Variants in PKN2 observed in about 807,000 individuals in gnomAD.
PKN2 encodes serine/threonine-protein kinase N2.
Under a neutral mutation model 119.1 loss-of-function variants are expected in PKN2, and 38 were observed. The ratio of observed to expected loss-of-function variants is 0.32; its 90% CI spans 0.25 to 0.42. PKN2 has a LOEUF of 0.42. Ranked by LOEUF, PKN2 falls within the 10% of genes least tolerant of loss-of-function variation. PKN2 has a pLI of 1.00. For synonymous variants in PKN2, 390 were observed against 384.9 expected, an observed-to-expected ratio of 1.01 and a Z score of -0.15; for missense variants, 850 against 1,165.1, an observed-to-expected ratio of 0.73 and a Z score of 3.94.
At position 88,770,386 on chromosome 1, in the gene PKN2, T is replaced by A. The variant is rs1471903688; in HGVS notation, c.539T>A (p.Leu180His). The A allele has an allele frequency of 1.2e-6, 2 of 1,613,190 alleles. No individual in the cohort carries two copies. Among genetic ancestry groups the A allele is most frequent in the Admixed American group, 3.3e-5 (2 of 60,010 alleles). ...CTCCATGGTACAGCTCAGCAACTGCTCCAGGACAGCAAGACAAAAATAGAA... is the reference window on the plus strand; with the variant it reads ...CTCCATGGTACAGCTCAGCAACTGCACCAGGACAGCAAGACAAAAATAGAA... The part of the protein sequence containing the change: ...RKLHGTAQQL[L>H]QDSKTKIEVI... Residue 180 changes from leucine to histidine, a missense_variant, in exon 4 of 22, where the codon CTC (leucine) becomes CAC (histidine). By Grantham distance (99) the Leu-to-His change is moderately conservative. Transcript: ENST00000370521.
rs148205139 is a variant in PKN2 at position 88,820,754 on chromosome 1, A to T, written c.2280-1187A>T. On this transcript the variant is annotated intron_variant, in intron 16 of 21. Coordinates refer to ENST00000370521, the MANE Select transcript of PKN2 (RefSeq NM_006256.4). ...TAAATAGTGTACTTTGGAGAAGCAT[A>T]TTACGTTTTATAGAGAAAATATTCA... Among the ~76,000 whole-genome samples the T allele has an allele frequency of 5.0e-3, 763 of 152,240 alleles. 4 individuals carry two copies. The highest frequency in any genetic ancestry group is 0.02 in the Middle Eastern group (6 of 294).
intron 15 of PKN2, 110 bp from the exon 16 acceptor site, chr1:88,813,447 A>G: frequency 1.4e-6 from 1 of 704,602 alleles, no homozygotes; most frequent in South Asian, 2.1e-5. Context: ...TAGGATTTTT[A>G]AGTTATAGTT....
chr1:88,807,792 G>A lies in PKN2; in HGVS notation c.2102+17G>A. 1 of 1,394,740 alleles carries A rather than the reference G, an allele frequency of 7.2e-7. No homozygotes were observed. Among genetic ancestry groups the A allele is most frequent in the Non-Finnish European group, 1.0e-6 (1 of 1,004,404 alleles). 86.4% of individuals were successfully genotyped at this position (1,394,740 alleles called of 1,614,324 possible). A position where few individuals can be genotyped will look rare whatever the true frequency, so the allele number is the denominator to read the frequency against. ...AGTAGACAGGTTAGTTTTTAAAAAT[G>A]AAATTGTTTATTTTTCTGAATTTGT... On this transcript the variant is annotated intron_variant, in intron 15 of 21. Coordinates refer to ENST00000370521, the MANE Select transcript of PKN2 (RefSeq NM_006256.4).
At chr1:88,794,457 T>G (rs1273044133) in intron 8 of PKN2, among the ~76,000 whole-genome samples, 2 of 151,812 alleles carry the variant, frequency 1.3e-5, no homozygotes, top group East Asian at 3.9e-4. Flanking sequence ...CTAGAATAAT[T>G]AGCCAAGTTT....
intron 1 of PKN2, among the ~76,000 whole-genome samples, chr1:88,692,173 A>C (rs1365818768): frequency 6.6e-6 from 1 of 152,116 alleles, no homozygotes; most frequent in Non-Finnish European, 1.5e-5. Flanking sequence ...ATGTTGCTAT[A>C]GTCATTATTT....
At chr1:88,699,636 CTCA>C (rs1433118611) in intron 1 of PKN2, among the ~76,000 whole-genome samples, 1 of 152,054 alleles carries the variant, frequency 6.6e-6, no homozygotes, top group Admixed American at 6.6e-5. Context: ...TCCATGTGTT[CTCA>C]TCATTCAGCT....
chr1:88,789,705 T>C (rs1262247949), intron 8 of PKN2, among the ~76,000 whole-genome samples: 1 of 146,384 alleles, frequency 6.8e-6, no homozygotes, highest in Non-Finnish European at 1.5e-5. Flanking sequence ...AACAACAAAA[T>C]AAGATTATAA....
chr1:88,782,570 C>T (rs1250090534), intron 6 of PKN2, among the ~76,000 whole-genome samples: 2 of 152,014 alleles, frequency 1.3e-5, no homozygotes, highest in South Asian at 2.1e-4. Flanking sequence ...TCTTCAAGGA[C>T]ACTAATCTTT....
Position 88,805,615 on chromosome 1 carries a change from G to T in PKN2, c.1620G>T (p.Val540=). Residue 540 remains valine (V), a synonymous_variant, in exon 11 of 22, where the codon GTG becomes GTT. Coordinates refer to ENST00000370521, the MANE Select transcript of PKN2 (RefSeq NM_006256.4). The part of the protein sequence containing the change: ...HSGTFSPQAP[V]PTTVPVVDVR... ...GCACCTTCAGCCCTCAAGCTCCTGT[G>T]CCTACTACAGTGCCAGTGGTTGATG... 6.2e-7 allele frequency: 1 copy of T among 1,614,058 alleles called. No homozygotes were observed. The highest frequency in any genetic ancestry group is 8.5e-7 in the Non-Finnish European group (1 of 1,179,990).
At chr1:88,806,233 C>T (rs974094255) in intron 12 of PKN2, 2 of 485,420 alleles carry the variant, frequency 4.1e-6, no homozygotes, top group Non-Finnish European at 7.4e-6. Flanking sequence ...CGGCTCACTG[C>T]AACCTCCGCC....
chr1:88,822,453 T>C (rs905958479), intron 17 of PKN2, among the ~76,000 whole-genome samples: 1 of 152,152 alleles, frequency 6.6e-6, no homozygotes, highest in Non-Finnish European at 1.5e-5. Context: ...GTAGCTGATC[T>C]CTGTAATTCG....
At chr1:88,822,056 T>C in intron 17 of PKN2, 53 bp downstream of exon 17, 1 of 1,365,032 alleles carries the variant, frequency 7.3e-7, no homozygotes, top group Non-Finnish European at 9.7e-7. Flanking sequence ...GATTTAGAAT[T>C]AAAGATAGTA....
chr1:88,723,890 C>A (rs1274166137), intron 1 of PKN2, among the ~76,000 whole-genome samples: 3 of 152,142 alleles, frequency 2.0e-5, no homozygotes, highest in African/African-American at 7.2e-5. Flanking sequence ...ATTTTGCCTT[C>A]TCATCTATTT....
chr1:88,737,066 T>A (rs139180952), intron 1 of PKN2, among the ~76,000 whole-genome samples: 1 of 152,316 alleles, frequency 6.6e-6, no homozygotes, highest in East Asian at 1.9e-4. Flanking sequence ...CACACTGTGC[T>A]GCCTGGGGTT....
chr1:88,703,491 C>T (rs1380097933), intron 1 of PKN2, among the ~76,000 whole-genome samples: 1 of 152,096 alleles, frequency 6.6e-6, no homozygotes, highest in Non-Finnish European at 1.5e-5. Flanking sequence ...GCCTATGTTA[C>T]AAAGCAAGTT....
At position 88,827,648 on chromosome 1, in the gene PKN2, T is replaced by C. The variant is rs550961188; in HGVS notation, c.2420-833T>C. ...CCTTCCCTTCCCTTCCCTCCCCTCT[T>C]CTCCCCTCCCCTCCCGTCCCCTCCT... On this transcript the variant is annotated intron_variant, in intron 18 of 21. Coordinates refer to ENST00000370521, the MANE Select transcript of PKN2 (RefSeq NM_006256.4). Among the ~76,000 whole-genome samples the C allele has an allele frequency of 9.2e-3, 625 of 68,206 alleles. 2 individuals carry two copies. Among genetic ancestry groups the C allele is most frequent in the African/African-American group, 0.028 (585 of 20,736 alleles). The allele number at this position is 68,206 out of a possible 152,430, so 44.7% of individuals were successfully genotyped here.
chr1:88,822,541 G>C (rs566642606), intron 17 of PKN2, among the ~76,000 whole-genome samples: 1 of 150,834 alleles, frequency 6.6e-6, no homozygotes, highest in Non-Finnish European at 1.5e-5. Flanking sequence ...GAGAAGGCTA[G>C]TCAGAATTAG....
intron 1 of PKN2, among the ~76,000 whole-genome samples, chr1:88,697,389 T>C (rs970427183): frequency 2.0e-5 from 3 of 152,224 alleles, no homozygotes; most frequent in Non-Finnish European, 2.9e-5. Flanking sequence ...TTCCCCTGGC[T>C]GCTAGAAATC....
chr1:88,743,844 A>G (rs1023466995), intron 2 of PKN2, among the ~76,000 whole-genome samples: 7 of 148,486 alleles, frequency 4.7e-5, no homozygotes, highest in Non-Finnish European at 8.9e-5. Context: ...TAAAAGTTTT[A>G]TGATAAAGCC....
Sources: allele counts gnomAD v4.1 joint callset (sites outside exome capture counted in the v4.1 genomes callset), GRCh38; gene constraint gnomAD v4.1.1; transcripts MANE v1.5; gene names NCBI Gene and HGNC (gene_info 2026-07-23, HGNC 2026-07-21).